Variants in WDR70 observed in about 807,000 individuals in gnomAD.
WDR70 encodes WD repeat-containing protein 70.
WDR70 carries 53 observed loss-of-function variants against 88.6 expected under a neutral mutation model. The observed-to-expected ratio is 0.60, with a 90% CI of 0.48 to 0.75. The LOEUF is 0.75. Ranked by LOEUF, WDR70 falls within the 30% of genes least tolerant of loss-of-function variation. The pLI is 0.00. For missense variants in WDR70, 610 were observed against 823.2 expected (o/e 0.74, Z 3.17); for synonymous variants, 280 against 270.0 (o/e 1.04, Z -0.36).
chr5:37,412,391 GCAAAACAAAA>G (rs572560564), intron 5 of WDR70, among the ~76,000 whole-genome samples: 5 of 151,766 alleles, frequency 3.3e-5, no homozygotes, highest in Admixed American at 3.3e-4. Context: ...CCATCTCAAA[GCAAAACAAAA>G]CAAAACAAAA....
intron 10 of WDR70, among the ~76,000 whole-genome samples, chr5:37,618,360 G>A (rs1744405907): frequency 6.6e-6 from 1 of 152,042 alleles, no homozygotes; most frequent in South Asian, 2.1e-4. Flanking sequence ...ATTAAAAACA[G>A]CAAGATTTTA....
rs900833189 is a variant in WDR70, at chr5:37,479,971, A to G, written c.824A>G (p.Asp275Gly). ...ATAAAAGGAGACCAGTATATTGTGGACATGGCCAACACCAAGGTAAGCATT... is the reference window on the plus strand; with the variant it reads ...ATAAAAGGAGACCAGTATATTGTGGGCATGGCCAACACCAAGGTAAGCATT... ...ECIKGDQYIV[D>G]MANTKGHTAM... Residue 275 changes from aspartate (D) to glycine (G), a missense_variant, in exon 8 of 18, where the codon GAC becomes GGC. By Grantham distance (94) the Asp-to-Gly change is moderately conservative. Transcript: ENST00000265107. 3 of 1,613,134 alleles carry G rather than the reference A, an allele frequency of 1.9e-6. No homozygotes were observed. Among genetic ancestry groups the G allele is most frequent in the African/African-American group, 2.7e-5 (2 of 74,886 alleles).
chr5:37,585,507 G>T (rs1171280957), intron 9 of WDR70, among the ~76,000 whole-genome samples: 1 of 152,114 alleles, frequency 6.6e-6, no homozygotes, highest in Non-Finnish European at 1.5e-5. Flanking sequence ...GAAGAGTAGG[G>T]TTCTATCAGT....
chr5:37,482,363 A>G (rs1464691283), intron 8 of WDR70, among the ~76,000 whole-genome samples: 2 of 152,214 alleles, frequency 1.3e-5, no homozygotes, highest in East Asian at 1.9e-4. Context: ...ACAGTTCTGC[A>G]TGGCTGGGGA....
intron 17 of WDR70, among the ~76,000 whole-genome samples, chr5:37,744,742 A>AT (rs1182770138): frequency 1.3e-5 from 2 of 152,066 alleles, no homozygotes; most frequent in East Asian, 1.9e-4. Context: ...AGAAAAAAGA[A>AT]TGAAAAGGAA....
chr5:37,414,144 C>CAAAAA (rs59026349), intron 5 of WDR70, among the ~76,000 whole-genome samples: 2 of 94,084 alleles, frequency 2.1e-5, no homozygotes, highest in Non-Finnish European at 4.2e-5. Context: ...AACTCTGTCT[C>CAAAAA]AAAAAAAAAA....
intron 14 of WDR70, 96 bp downstream of exon 14, chr5:37,721,311 G>A: frequency 9.3e-7 from 1 of 1,074,664 alleles, no homozygotes; most frequent in Non-Finnish European, 1.4e-6. Flanking sequence ...CCACTTTGAT[G>A]GAGATCCACC....
At chr5:37,432,932 A>G (rs1750355469) in intron 5 of WDR70, among the ~76,000 whole-genome samples, 1 of 152,128 alleles carries the variant, frequency 6.6e-6, no homozygotes, top group South Asian at 2.1e-4. Flanking sequence ...AAAAACATAT[A>G]TAATCTGGAT....
At chr5:37,386,965 G>C (rs1748637974) in intron 3 of WDR70, among the ~76,000 whole-genome samples, 1 of 152,070 alleles carries the variant, frequency 6.6e-6, no homozygotes, top group Non-Finnish European at 1.5e-5. Flanking sequence ...GGGTGTGGGT[G>C]GTGGGCACCT....
At position 37,752,790 on chromosome 5, in the gene WDR70, C is replaced by A; in HGVS notation, c.*217C>A. On this transcript the variant is annotated 3_prime_UTR_variant, in exon 18 of 18. Transcript: ENST00000265107. The stretch of plus-strand genomic sequence containing the variant: ...AAACTGATTACAGATAAACAAGAAA[C>A]AGATTCTTAGTCTATTACCAAGTAC... 2.2e-6 allele frequency: 1 copy of A among 454,390 alleles called. No homozygotes were observed. Among genetic ancestry groups the A allele is most frequent in the East Asian group, 4.1e-5 (1 of 24,670 alleles). 28.1% of individuals were successfully genotyped at this position (454,390 alleles called of 1,614,324 possible).
chr5:37,384,277 GC>G (rs1409252140), intron 3 of WDR70, among the ~76,000 whole-genome samples: 12 of 149,712 alleles, frequency 8.0e-5, no homozygotes, highest in African/African-American at 3.0e-4. Flanking sequence ...CACTTCCCAG[GC>G]TCAGGTAATC....
chr5:37,516,876 C>A (rs921171833), intron 9 of WDR70, among the ~76,000 whole-genome samples: 1 of 151,596 alleles, frequency 6.6e-6, no homozygotes, highest in South Asian at 2.1e-4. Flanking sequence ...TGCCCCACCA[C>A]CACACCCGGC....
At chr5:37,461,125 AT>A (rs1469074205) in intron 7 of WDR70, among the ~76,000 whole-genome samples, 13 of 136,816 alleles carry the variant, frequency 9.5e-5, no homozygotes, top group African/African-American at 4.2e-4. Context: ...AAAAAAAAAA[AT>A]AAAGGGTTGT....
chr5:37,699,400 TATACAC>T (rs1348397212), intron 11 of WDR70, among the ~76,000 whole-genome samples: 5,202 of 147,002 alleles, frequency 0.035, 143 homozygotes, highest in Non-Finnish European at 0.052. Flanking sequence ...TGTATATATA[TATACAC>T]ACACACACAC....
At chr5:37,721,479 A>T in intron 14 of WDR70, 2 of 489,100 alleles carry the variant, frequency 4.1e-6, no homozygotes, top group Non-Finnish European at 7.4e-6. Context: ...GCAAGGGGGA[A>T]AAACGTTCTG....
intron 5 of WDR70, among the ~76,000 whole-genome samples, chr5:37,401,211 A>G (rs929985298): frequency 1.6e-5 from 2 of 128,488 alleles, no homozygotes; most frequent in Non-Finnish European, 3.1e-5. Flanking sequence ...AGGTCTTACT[A>G]CATTGCCCAG....
rs536305472 is a variant in WDR70, at chr5:37,542,367, C to A, written c.917+25777C>A. Among the ~76,000 whole-genome samples, 4 of 151,656 alleles carry A rather than the reference C, an allele frequency of 2.6e-5. 1 individual carries two copies. Among genetic ancestry groups the A allele is most frequent in the Admixed American group, 2.6e-4 (4 of 15,230 alleles). On this transcript the variant is annotated intron_variant, in intron 9 of 17. Coordinates refer to ENST00000265107, the MANE Select transcript of WDR70 (RefSeq NM_018034.4). ...TGATCTCGGCTCACTGCAACCTCCACCTCCCGGGTTCAAGCAGTTCTCCTG... is the reference window on the plus strand; with the variant it reads ...TGATCTCGGCTCACTGCAACCTCCAACTCCCGGGTTCAAGCAGTTCTCCTG...
intron 17 of WDR70, among the ~76,000 whole-genome samples, chr5:37,727,402 G>C (rs113380111): frequency 2.0e-5 from 3 of 152,118 alleles, no homozygotes; most frequent in African/African-American, 7.2e-5. Context: ...CTGTTATTAT[G>C]AACTCACTTT....
At chr5:37,700,550 A>G (rs2112657302) in intron 11 of WDR70, 3 of 152,706 alleles carry the variant, frequency 2.0e-5, no homozygotes, top group Middle Eastern at 6.8e-3. Flanking sequence ...GAGAGAAGGG[A>G]ATCACATGGC....
Sources: gnomAD v4.1 joint callset for allele counts (sites outside exome capture counted in the v4.1 genomes callset) on GRCh38, gnomAD v4.1.1 for gene constraint, MANE v1.5 for transcripts, NCBI Gene and HGNC (gene_info 2026-07-23, HGNC 2026-07-21) for gene names.